Variants in TEKT5 observed in about 807,000 individuals in gnomAD.
The protein encoded by TEKT5 is tektin 5, also known as tektin-5.
Under a neutral mutation model 48.7 loss-of-function variants are expected in TEKT5, and 52 were observed. The observed-to-expected ratio is 1.07, with a 90% CI of 0.86 to 1.35. The LOEUF is 1.35. Ranked by LOEUF, TEKT5 falls within the 40% of genes most tolerant of loss-of-function variation. The probability of loss-of-function intolerance (pLI) is 0.00; values close to 1 mark genes in which losing one functional copy is unlikely to be tolerated. For synonymous variants in TEKT5, 318 were observed against 267.6 expected, an observed-to-expected ratio of 1.19 and a Z score of -1.84; for missense variants, 831 against 641.6, an observed-to-expected ratio of 1.30 and a Z score of -3.19.
intron 6 of TEKT5, among the ~76,000 whole-genome samples, chr16:10,634,221 G>C (rs1411721360): frequency 1.3e-5 from 2 of 152,102 alleles, no homozygotes; most frequent in East Asian, 3.8e-4. Context: ...ACTCCCCTAG[G>C]AGTGAGACTA....
At chr16:10,631,621 C>G (rs55749134) in intron 6 of TEKT5, among the ~76,000 whole-genome samples, 20,144 of 152,066 alleles carry the variant, frequency 0.13, 1,481 homozygotes, top group South Asian at 0.18. Context: ...TGAGATCATC[C>G]TGGATTTAGG....
intron 5 of TEKT5, among the ~76,000 whole-genome samples, chr16:10,652,041 G>C (rs1567228126): frequency 6.6e-6 from 1 of 152,266 alleles, no homozygotes; most frequent in Admixed American, 6.5e-5. Flanking sequence ...AAGCTGGGGG[G>C]CCTTGGGCCA....
intron 3 of TEKT5, among the ~76,000 whole-genome samples, chr16:10,688,430 G>A (rs1245081098): frequency 6.6e-6 from 1 of 152,202 alleles, no homozygotes. Context: ...GATTTGGAAG[G>A]TGCCCGCCCC....
chr16:10,657,216 G>T (rs1463110388), intron 5 of TEKT5, among the ~76,000 whole-genome samples: 1 of 150,018 alleles, frequency 6.7e-6, no homozygotes, highest in Non-Finnish European at 1.5e-5. Context: ...ACCTCCGTTT[G>T]CCAGGTTCAA....
chr16:10,669,677 C>G (rs1000756950), intron 5 of TEKT5, among the ~76,000 whole-genome samples: 1 of 152,054 alleles, frequency 6.6e-6, no homozygotes, highest in Non-Finnish European at 1.5e-5. Context: ...TAGAAGTATC[C>G]CTGACCCCAC....
chr16:10,636,112 T>G (rs540996554), intron 5 of TEKT5, among the ~76,000 whole-genome samples, 194 bp from the exon 6 acceptor site: 2 of 152,114 alleles, frequency 1.3e-5, no homozygotes, highest in African/African-American at 4.8e-5. Context: ...CGGTGGCTCA[T>G]GCCTGTAATC....
intron 4 of TEKT5, 33 bp from the exon 5 acceptor site, chr16:10,676,214 C>T (rs1490101175): frequency 5.0e-6 from 8 of 1,606,496 alleles, no homozygotes; most frequent in Non-Finnish European, 6.0e-6. Context: ...TGCAGCAGTC[C>T]TGGAAGACCT....
intron 1 of TEKT5, among the ~76,000 whole-genome samples, chr16:10,693,797 C>G (rs961315266): frequency 4.6e-5 from 7 of 152,150 alleles, no homozygotes; most frequent in Admixed American, 4.6e-4. Context: ...TAGCAAAACC[C>G]TGTCTTCACT....
intron 6 of TEKT5, among the ~76,000 whole-genome samples, chr16:10,634,039 T>G (rs751128593): frequency 2.0e-5 from 3 of 152,168 alleles, no homozygotes; most frequent in Non-Finnish European, 4.4e-5. Context: ...CATCTAGCAG[T>G]GGGGTCTCCA....
At chr16:10,683,550 G>T (rs953413990) in intron 3 of TEKT5, among the ~76,000 whole-genome samples, 1 of 152,156 alleles carries the variant, frequency 6.6e-6, no homozygotes, top group Admixed American at 6.5e-5. Flanking sequence ...TACCAAACTC[G>T]ACTATTTACT....
chr16:10,689,843 G>C, intron 2 of TEKT5, 99 bp downstream of exon 2: 3 of 1,169,840 alleles, frequency 2.6e-6, no homozygotes, highest in Non-Finnish European at 3.7e-6. Flanking sequence ...ACAGTGACAC[G>C]TGTGGCTTCT....
intron 1 of TEKT5, among the ~76,000 whole-genome samples, chr16:10,691,064 G>A (rs1358864517): frequency 1.3e-5 from 2 of 152,208 alleles, no homozygotes; most frequent in Non-Finnish European, 2.9e-5. Flanking sequence ...GTCAGGCTGG[G>A]CACAGCGCCT....
intron 5 of TEKT5, among the ~76,000 whole-genome samples, chr16:10,641,105 C>T (rs74007201): frequency 0.023 from 3,428 of 150,864 alleles, 133 homozygotes; most frequent in African/African-American, 0.08. Flanking sequence ...TTCACGACTG[C>T]CAGTTGCTCC....
chr16:10,676,308 G>T, intron 4 of TEKT5, 127 bp from the exon 5 acceptor site: 1 of 910,028 alleles, frequency 1.1e-6, no homozygotes. Flanking sequence ...GGGTGCTTGG[G>T]ATGTTTAAGC....
intron 3 of TEKT5, among the ~76,000 whole-genome samples, chr16:10,683,993 ACCTCAG>A (rs1555467687): frequency 3.9e-5 from 6 of 152,224 alleles, no homozygotes; most frequent in Non-Finnish European, 8.8e-5. Flanking sequence ...ATAGAAGATC[ACCTCAG>A]ACCTAAATAT....
At chr16:10,653,026 G>T (rs1257401035) in intron 5 of TEKT5, among the ~76,000 whole-genome samples, 1 of 152,216 alleles carries the variant, frequency 6.6e-6, no homozygotes, top group East Asian at 1.9e-4. Flanking sequence ...CCCAAGCTCT[G>T]AGGGGCTTCC....
In TEKT5 at chr16:10,627,723, G is replaced by T; in HGVS notation, c.1318C>A (p.Leu440Met). The part of the protein sequence containing the change: ...KLRLRETQDT[L>M]QLLVMTKCRL... ...CACTTGGTCATGACCAGCAGCTGCA[G>T]CGTGTCCTGTGTCTCCCGCAGCCGC... is the stretch of plus-strand genomic sequence containing the variant. Residue 440 changes from leucine to methionine, a missense_variant, in exon 7 of 7, where the codon CTG (leucine) becomes ATG (methionine). Coordinates refer to ENST00000283025, the MANE Select transcript of TEKT5 (RefSeq NM_144674.2). 1 of 1,614,190 alleles carries T rather than the reference G, an allele frequency of 6.2e-7. No homozygotes were observed. Among genetic ancestry groups the T allele is most frequent in the Non-Finnish European group, 8.5e-7 (1 of 1,180,024 alleles).
chr16:10,639,683 C>A (rs890582796), intron 5 of TEKT5, among the ~76,000 whole-genome samples: 1 of 152,214 alleles, frequency 6.6e-6, no homozygotes. Context: ...ACCATTGTTT[C>A]CAAGAAGCCT....
Position 10,686,706 on chromosome 16 carries a change from T to C in TEKT5, c.719+2547A>G, listed in dbSNP as rs112747638. 2.5e-3 allele frequency among the ~76,000 whole-genome samples: 384 copies of C among 152,286 alleles called. 1 individual carries two copies. Among genetic ancestry groups the C allele is most frequent in the Non-Finnish European group, 4.0e-3 (273 of 68,030 alleles). On this transcript the variant is annotated intron_variant, in intron 3 of 6. Coordinates refer to ENST00000283025, the MANE Select transcript of TEKT5 (RefSeq NM_144674.2). ...AGAAGATATTTGCAAACTACACCTC[T>C]GATAAGGGGTTACTATCCAAAATAT...
Sources: allele counts gnomAD v4.1 joint callset (sites outside exome capture counted in the v4.1 genomes callset), GRCh38; gene constraint gnomAD v4.1.1; transcripts MANE v1.5; gene names NCBI Gene and HGNC (gene_info 2026-07-23, HGNC 2026-07-21).